Variants in SLC39A10 observed in about 807,000 individuals in gnomAD.
SLC39A10 encodes solute carrier family 39 member 10, also known as zinc transporter ZIP10.
In SLC39A10, 13 loss-of-function variants were observed where a neutral mutation model predicts 65.1. That is an observed-to-expected ratio of 0.20 (90% CI 0.13 to 0.32). The LOEUF is 0.32. Ranked by LOEUF, SLC39A10 falls within the 10% of genes least tolerant of loss-of-function variation. The pLI is 1.00. For synonymous variants in SLC39A10, 321 were observed against 342.2 expected (o/e 0.94, Z 0.68); for missense variants, 831 against 1,018.4 (o/e 0.82, Z 2.50).
chr2:195,730,218 T>C lies in SLC39A10; in HGVS notation c.2337+1869T>C, dbSNP rs569752158. On this transcript the variant is annotated intron_variant, in intron 9 of 9. Transcript: ENST00000359634. The stretch of plus-strand genomic sequence containing the variant: ...AATTAACCATTGACCATGGCATCGC[T>C]AAGTCTGCTAGTCATTTTCCAGTCT... Among the ~76,000 whole-genome samples, 3 of 152,286 alleles carry C rather than the reference T, an allele frequency of 2.0e-5. No individual in the cohort carries two copies. The East Asian group carries it at 5.8e-4, about 29-fold the overall frequency.
intron 3 of SLC39A10, among the ~76,000 whole-genome samples, chr2:195,701,405 A>T (rs1351969280): frequency 8.9e-5 from 3 of 33,670 alleles, no homozygotes; most frequent in African/African-American, 1.3e-4. Flanking sequence ...ATCTGCCATT[A>T]GGTCTTTTTC....
At chr2:195,730,043 A>G (rs1692385702) in intron 9 of SLC39A10, among the ~76,000 whole-genome samples, 1 of 145,426 alleles carries the variant, frequency 6.9e-6, no homozygotes, top group Non-Finnish European at 1.5e-5. Flanking sequence ...GGCCTCAAAC[A>G]ATGCTCCAGC....
chr2:195,692,324 G>T (rs1361377206), intron 3 of SLC39A10, among the ~76,000 whole-genome samples: 1 of 152,026 alleles, frequency 6.6e-6, no homozygotes, highest in Non-Finnish European at 1.5e-5. Flanking sequence ...CATTGGCCCT[G>T]TAGGCTCTTT....
chr2:195,695,765 T>G (rs538081602), intron 3 of SLC39A10, among the ~76,000 whole-genome samples: 17 of 152,374 alleles, frequency 1.1e-4, no homozygotes, highest in South Asian at 4.1e-4. Flanking sequence ...TGTCTTTTGA[T>G]GCACAAATTT....
intron 3 of SLC39A10, among the ~76,000 whole-genome samples, chr2:195,704,064 T>TTA (rs1172106015): frequency 6.6e-6 from 1 of 152,220 alleles, no homozygotes; most frequent in Admixed American, 6.5e-5. Context: ...TATCAGGTGT[T>TTA]TACTTTGTAT....
At position 195,737,042 on chromosome 2, in the gene SLC39A10, T is replaced by A. The variant is rs1295603960; in HGVS notation, c.*2001T>A. Reference sequence around the variant, plus strand: ...TACTCCCAGTTTTAAAATAAATGCCTGATTGATTTAAAGCAAGTAGGTTAT... The same window carrying A: ...TACTCCCAGTTTTAAAATAAATGCCAGATTGATTTAAAGCAAGTAGGTTAT... On this transcript the variant is annotated 3_prime_UTR_variant, in exon 10 of 10. Transcript: ENST00000359634. 1 of 151,944 alleles carries A rather than the reference T, an allele frequency of 6.6e-6. No individual in the cohort carries two copies. Among genetic ancestry groups the A allele is most frequent in the Non-Finnish European group, 1.5e-5 (1 of 67,928 alleles). The allele number at this position is 151,944 out of a possible 1,614,324, so 9.4% of individuals were successfully genotyped here.
chr2:195,672,871 C>G (rs1275822398), intron 1 of SLC39A10, among the ~76,000 whole-genome samples: 1 of 152,148 alleles, frequency 6.6e-6, no homozygotes, highest in Non-Finnish European at 1.5e-5. Flanking sequence ...TTAGCATCTT[C>G]TAGTGGAAAA....
At chr2:195,667,038 A>G (rs1689661932) in intron 1 of SLC39A10, among the ~76,000 whole-genome samples, 2 of 152,206 alleles carry the variant, frequency 1.3e-5, no homozygotes, top group African/African-American at 4.8e-5. Context: ...ATAAAGATAG[A>G]TATGATGTGT....
chr2:195,672,573 T>C (rs1384996044), intron 1 of SLC39A10, among the ~76,000 whole-genome samples: 2 of 152,240 alleles, frequency 1.3e-5, no homozygotes, highest in African/African-American at 4.8e-5. Flanking sequence ...TGTATTCCTA[T>C]ATTCTCTTAA....
chr2:195,645,153 C>A (rs1688888889), intron 2 of SLC39A10, among the ~76,000 whole-genome samples: 1 of 152,020 alleles, frequency 6.6e-6, no homozygotes, highest in Non-Finnish European at 1.5e-5. Context: ...AGGTGATCCG[C>A]CTGCCTCGGC....
intron 2 of SLC39A10, among the ~76,000 whole-genome samples, chr2:195,636,002 G>A (rs183696710): frequency 6.6e-6 from 1 of 152,072 alleles, no homozygotes; most frequent in Non-Finnish European, 1.5e-5. Flanking sequence ...TGCATACTAG[G>A]CCAAAAGATC....
chr2:195,726,338 A>G (rs1692238917), intron 8 of SLC39A10, among the ~76,000 whole-genome samples: 1 of 152,210 alleles, frequency 6.6e-6, no homozygotes, highest in Admixed American at 6.5e-5. Flanking sequence ...TTTGTTTTAC[A>G]TAACCTGCTA....
At chr2:195,690,211 CT>C (rs1397302302) in intron 3 of SLC39A10, among the ~76,000 whole-genome samples, 2 of 142,624 alleles carry the variant, frequency 1.4e-5, no homozygotes, top group African/African-American at 5.1e-5. Flanking sequence ...AAAGAAATTC[CT>C]TCCTTTTTAA....
At position 195,716,983 on chromosome 2, in the gene SLC39A10, C is replaced by T. The variant is rs1691837570; in HGVS notation, c.2043C>T (p.Asn681=). The change falls in exon 7 of 10, where the codon AAC becomes AAT. Residue 681 remains asparagine (N), a synonymous_variant. Transcript: ENST00000359634. Reference sequence around the variant, plus strand: ...TGATCATGGGGGATGGCATCCACAACTTCAGTGATGGGCTCGCAATTGGTA... The same window carrying T: ...TGATCATGGGGGATGGCATCCACAATTTCAGTGATGGGCTCGCAATTGGTA... ...WMVIMGDGIH[N]FSDGLAIGAA... The T allele has an allele frequency of 6.2e-7, 1 of 1,613,768 alleles. No homozygotes were observed. The highest frequency in any genetic ancestry group is 1.3e-5 in the African/African-American group (1 of 74,930).
chr2:195,615,566 C>T (rs764310263), intron 2 of SLC39A10, among the ~76,000 whole-genome samples: 3 of 152,124 alleles, frequency 2.0e-5, no homozygotes, highest in Non-Finnish European at 2.9e-5. Flanking sequence ...GGCCTGAGTA[C>T]GGGGACTTTT....
chr2:195,626,718 C>CTATA (rs962135220), intron 2 of SLC39A10, among the ~76,000 whole-genome samples: 5 of 152,164 alleles, frequency 3.3e-5, no homozygotes, highest in Non-Finnish European at 5.9e-5. Context: ...AGAGGGTAGG[C>CTATA]TATAGTTAGA....
At chr2:195,659,692 C>G (rs1007841523) in intron 1 of SLC39A10, among the ~76,000 whole-genome samples, 1 of 152,172 alleles carries the variant, frequency 6.6e-6, no homozygotes, top group Non-Finnish European at 1.5e-5. Flanking sequence ...TCTTAATCTT[C>G]TATTTGAACT....
At chr2:195,671,055 C>G (rs147996159) in intron 1 of SLC39A10, among the ~76,000 whole-genome samples, 35 of 152,100 alleles carry the variant, frequency 2.3e-4, no homozygotes, top group Non-Finnish European at 4.0e-4. Context: ...TTAATAGGAA[C>G]CCAGAATTCC....
intron 3 of SLC39A10, among the ~76,000 whole-genome samples, chr2:195,690,685 A>G (rs1272021868): frequency 2.0e-5 from 3 of 152,100 alleles, no homozygotes; most frequent in East Asian, 3.9e-4. Context: ...GAAAATGCCT[A>G]TTACAGTTCT....
Sources: gnomAD v4.1 joint callset for allele counts (sites outside exome capture counted in the v4.1 genomes callset) on GRCh38, gnomAD v4.1.1 for gene constraint, MANE v1.5 for transcripts, NCBI Gene and HGNC (gene_info 2026-07-23, HGNC 2026-07-21) for gene names.